Variants in COP1 observed in about 807,000 individuals in gnomAD.
The protein encoded by COP1 is E3 ubiquitin-protein ligase COP1.
A neutral mutation model predicts 101.3 loss-of-function variants in COP1; 24 were observed. That is an observed-to-expected ratio of 0.24 (90% confidence interval 0.17 to 0.33). The LOEUF is 0.33. Ranked by LOEUF, COP1 falls within the 10% of genes least tolerant of loss-of-function variation. The pLI is 1.00. For missense variants in COP1, 663 were observed against 906.2 expected, an observed-to-expected ratio of 0.73 and a Z score of 3.45; for synonymous variants, 347 against 341.9, an observed-to-expected ratio of 1.01 and a Z score of -0.17.
intron 15 of COP1, among the ~76,000 whole-genome samples, chr1:176,007,318 T>A (rs936778708): frequency 6.6e-6 from 1 of 152,158 alleles, no homozygotes; most frequent in African/African-American, 2.4e-5. Flanking sequence ...AGTAATTTGA[T>A]CGTCTGAAGC....
Position 176,009,800 on chromosome 1 carries a change from T to C in COP1, c.1729+17772A>G, listed in dbSNP as rs188228901. 6.0e-5 allele frequency among the ~76,000 whole-genome samples: 9 copies of C among 148,946 alleles called. No individual in the cohort carries two copies. The East Asian group carries it at 1.8e-3, about 30-fold the overall frequency. ...TAGTTACTTAGGAGACAGGGGCATA[T>C]GAAGATGGTCTACACCTTTACATTT... On this transcript the variant is annotated intron_variant, in intron 15 of 19. Transcript: ENST00000367669.
Position 176,153,751 on chromosome 1 carries a change from C to T in COP1, c.763-4677G>A, listed in dbSNP as rs181317654. ...GTCACAGATGGCCCTTATTATTTTG[C>T]GGTATGTTCCTTCAATACCTAGTTT... On this transcript the variant is annotated intron_variant, in intron 5 of 19. Transcript: ENST00000367669. Among the ~76,000 whole-genome samples the T allele has an allele frequency of 4.6e-4, 70 of 152,150 alleles. 1 individual carries two copies. Among genetic ancestry groups the T allele is most frequent in the African/African-American group, 9.6e-4 (40 of 41,510 alleles).
intron 18 of COP1, among the ~76,000 whole-genome samples, chr1:175,969,718 G>C (rs1320941437): frequency 1.3e-5 from 2 of 152,118 alleles, no homozygotes. Context: ...CATGAATCAA[G>C]CCAACAGGTG....
intron 11 of COP1, among the ~76,000 whole-genome samples, chr1:176,056,906 A>G (rs1160410492): frequency 3.9e-5 from 6 of 152,242 alleles, no homozygotes; most frequent in African/African-American, 1.2e-4. Context: ...CAATGTATCT[A>G]CTAAGTTTCT....
At chr1:176,107,954 G>C (rs1684601559) in intron 9 of COP1, among the ~76,000 whole-genome samples, 1 of 151,064 alleles carries the variant, frequency 6.6e-6, no homozygotes, top group African/African-American at 2.4e-5. Context: ...ATAAACTGAA[G>C]AACTGTACCA....
chr1:176,146,743 T>C (rs1691639518), intron 6 of COP1, among the ~76,000 whole-genome samples: 1 of 152,204 alleles, frequency 6.6e-6, no homozygotes, highest in Non-Finnish European at 1.5e-5. Context: ...AGACTCAATA[T>C]ATTAAATTTT....
chr1:176,002,932 A>G (rs1251762524), intron 15 of COP1, among the ~76,000 whole-genome samples: 1 of 150,178 alleles, frequency 6.7e-6, no homozygotes, highest in Admixed American at 6.7e-5. Flanking sequence ...GAATCGCCAC[A>G]CTGACTTCCA....
chr1:176,033,739 A>G (rs1189822491), intron 14 of COP1, among the ~76,000 whole-genome samples: 1 of 152,204 alleles, frequency 6.6e-6, no homozygotes, highest in Non-Finnish European at 1.5e-5. Flanking sequence ...TTTTAAAAAT[A>G]TACAGCATAT....
Position 175,953,047 on chromosome 1 carries a change from C to T in COP1, c.2134-5808G>A, listed in dbSNP as rs200356934. Among the ~76,000 whole-genome samples, 19 of 152,150 alleles carry T rather than the reference C, an allele frequency of 1.2e-4. No individual in the cohort carries two copies. The South Asian group carries it at 3.7e-3, about 30-fold the overall frequency. ...ATTTTAAGGAAAAATAATAACAGTG[C>T]TTTAAGGTGATTATAACACAAACAC... On this transcript the variant is annotated intron_variant, in intron 18 of 19. Coordinates refer to ENST00000367669, the MANE Select transcript of COP1 (RefSeq NM_022457.7).
chr1:176,042,539 G>A (rs1308977861), intron 14 of COP1, among the ~76,000 whole-genome samples: 1 of 147,332 alleles, frequency 6.8e-6, no homozygotes, highest in African/African-American at 2.5e-5. Flanking sequence ...CTCCAGCCTG[G>A]GCAGCAGAGC....
At chr1:176,196,247 T>G (rs559833216) in intron 1 of COP1, among the ~76,000 whole-genome samples, 4 of 151,964 alleles carry the variant, frequency 2.6e-5, no homozygotes, top group African/African-American at 9.6e-5. Flanking sequence ...CAGAAGAAAT[T>G]TATAAAGTAA....
At chr1:175,963,620 T>A (rs777453039) in intron 18 of COP1, among the ~76,000 whole-genome samples, 1 of 152,140 alleles carries the variant, frequency 6.6e-6, no homozygotes, top group East Asian at 1.9e-4. Flanking sequence ...TACTGCCTGG[T>A]TGGTACTTAA....
intron 2 of COP1, among the ~76,000 whole-genome samples, chr1:176,181,427 C>CAAAAAA (rs35756525): frequency 6.8e-6 from 1 of 147,072 alleles, no homozygotes; most frequent in Non-Finnish European, 1.5e-5. Context: ...AACAAAACTG[C>CAAAAAA]AAAAAAAAAA....
At chr1:176,054,986 C>CA (rs1673198509) in intron 11 of COP1, among the ~76,000 whole-genome samples, 1 of 152,196 alleles carries the variant, frequency 6.6e-6, no homozygotes, top group African/African-American at 2.4e-5. Context: ...CTAAACAGAG[C>CA]AGTCAACTCC....
chr1:175,957,138 G>A (rs1338773810), intron 18 of COP1, among the ~76,000 whole-genome samples: 2 of 150,890 alleles, frequency 1.3e-5, no homozygotes, highest in Non-Finnish European at 2.9e-5. Context: ...TATTATTGAA[G>A]AAAGAAAACA....
chr1:176,113,692 T>C (rs976430537), intron 9 of COP1, among the ~76,000 whole-genome samples: 3 of 152,072 alleles, frequency 2.0e-5, no homozygotes, highest in Admixed American at 2.0e-4. Context: ...GCAATAAATA[T>C]GAATAAGTGA....
intron 6 of COP1, among the ~76,000 whole-genome samples, chr1:176,146,115 T>G (rs1051833150): frequency 2.6e-5 from 4 of 152,062 alleles, no homozygotes; most frequent in Non-Finnish European, 5.9e-5. Flanking sequence ...TACAGTAAAT[T>G]TAATAGGTAT....
intron 9 of COP1, among the ~76,000 whole-genome samples, chr1:176,098,491 C>T (rs561199789): frequency 1.3e-5 from 2 of 152,038 alleles, no homozygotes; most frequent in Non-Finnish European, 2.9e-5. Flanking sequence ...ACAAAAAAAG[C>T]TAAAAGTTCA....
At position 175,987,539 on chromosome 1, in the gene COP1, A is replaced by T. The variant is rs573828342; in HGVS notation, c.1973-436T>A. On this transcript the variant is annotated intron_variant, in intron 17 of 19. Coordinates refer to ENST00000367669, the MANE Select transcript of COP1 (RefSeq NM_022457.7). ...TAAAAGAAAGTGGCAACACTTACAC[A>T]GGCAGATTTTCATAGCCTACATAAT... Among the ~76,000 whole-genome samples, 16 of 152,352 alleles carry T rather than the reference A, an allele frequency of 1.1e-4. No homozygotes were observed. In the South Asian group the frequency reaches 3.3e-3, roughly 32 times the overall value.
Sources: gnomAD v4.1 joint callset for allele counts (sites outside exome capture counted in the v4.1 genomes callset) on GRCh38, gnomAD v4.1.1 for gene constraint, MANE v1.5 for transcripts, NCBI Gene and HGNC (gene_info 2026-07-23, HGNC 2026-07-21) for gene names.